SMAD1: variants seen among roughly 807,000 people sequenced by gnomAD.
SMAD1 encodes the protein MAD, mothers against decapentaplegic homolog 1.
In SMAD1, 6 loss-of-function variants were observed where a neutral mutation model predicts 41.6. The observed-to-expected ratio is 0.14, with a 90% confidence interval of 0.08 to 0.28. The LOEUF (loss-of-function observed/expected upper bound fraction) is 0.28. Ranked by LOEUF, SMAD1 falls within the 10% of genes least tolerant of loss-of-function variation. The pLI, the probability that SMAD1 is intolerant of heterozygous loss-of-function variation, is 1.00. For missense variants in SMAD1, 379 were observed against 582.6 expected (o/e 0.65, Z 3.60); for synonymous variants, 206 against 203.2 (o/e 1.01, Z -0.12).
intron 1 of SMAD1, among the ~76,000 whole-genome samples, chr4:145,490,764 A>T (rs568992068): frequency 6.6e-6 from 1 of 152,350 alleles, no homozygotes; most frequent in African/African-American, 2.4e-5. Context: ...ACAATTCTAG[A>T]TAAAGGTTTC....
intron 2 of SMAD1, among the ~76,000 whole-genome samples, chr4:145,520,043 G>A (rs1298261475): frequency 6.6e-6 from 1 of 152,156 alleles, no homozygotes; most frequent in Non-Finnish European, 1.5e-5. Context: ...TGCAAAAACT[G>A]CAGTAAGATA....
chr4:145,532,717 C>A (rs1011184766), intron 2 of SMAD1, among the ~76,000 whole-genome samples: 1 of 152,094 alleles, frequency 6.6e-6, no homozygotes, highest in Non-Finnish European at 1.5e-5. Context: ...AAAGTGGTTC[C>A]CCAGAAAAGT....
rs34142651 is a variant in SMAD1, at chr4:145,558,079, CAAAA to C, written c.*157_*160del. On this transcript the variant is annotated 3_prime_UTR_variant, in exon 7 of 7. Coordinates refer to ENST00000302085, the MANE Select transcript of SMAD1 (RefSeq NM_005900.3). Reference sequence around the variant, plus strand: ...CAACTGTTGGATTCAGAAATTTAAACAAAAAAAAAAAAAAACACACACACCTTGG... The same window carrying C: ...CAACTGTTGGATTCAGAAATTTAAACAAAAAAAAAAACACACACACCTTGG... The C allele has an allele frequency of 1.4e-5, 4 of 288,674 alleles. No individual in the cohort carries two copies. The highest frequency in any genetic ancestry group is 5.7e-5 in the Admixed American group (1 of 17,664). 17.9% of individuals were successfully genotyped at this position (288,674 alleles called of 1,614,324 possible).
At chr4:145,505,339 T>A (rs947267923) in intron 1 of SMAD1, among the ~76,000 whole-genome samples, 2 of 152,206 alleles carry the variant, frequency 1.3e-5, no homozygotes, top group Non-Finnish European at 2.9e-5. Flanking sequence ...TAATACTAAT[T>A]AATATTGCCA....
chr4:145,542,691 C>T lies in SMAD1; in HGVS notation c.768C>T (p.Asn256=). The change falls in exon 4 of 7, where the codon AAC becomes AAT. Residue 256 remains asparagine, a synonymous_variant. Coordinates refer to ENST00000302085, the MANE Select transcript of SMAD1 (RefSeq NM_005900.3). ...MMAPPLPSEI[N]RGDVQAVAYE... ...CGCCTCCCCTGCCCTCAGAAATCAA[C>T]AGAGGAGGTAAAACTAATTGCTGCC... 1 of 1,606,672 alleles carries T rather than the reference C, an allele frequency of 6.2e-7. No individual in the cohort carries two copies.
At chr4:145,517,666 T>G (rs1233490735) in intron 2 of SMAD1, among the ~76,000 whole-genome samples, 1 of 70,080 alleles carries the variant, frequency 1.4e-5, no homozygotes, top group Non-Finnish European at 5.4e-5. Flanking sequence ...TGGCCATTTT[T>G]TTAGTGCTGA....
chr4:145,513,005 A>G (rs899927862), intron 1 of SMAD1, among the ~76,000 whole-genome samples: 1 of 152,112 alleles, frequency 6.6e-6, no homozygotes, highest in South Asian at 2.1e-4. Context: ...AGCCTAGACT[A>G]TTTACCAGGG....
At chr4:145,506,221 G>A (rs1313922271) in intron 1 of SMAD1, among the ~76,000 whole-genome samples, 2 of 152,118 alleles carry the variant, frequency 1.3e-5, no homozygotes, top group Non-Finnish European at 2.9e-5. Context: ...TCAAAGTGAA[G>A]TTAATCAATA....
intron 1 of SMAD1, among the ~76,000 whole-genome samples, chr4:145,493,523 C>G (rs1019987150): frequency 2.0e-5 from 3 of 152,170 alleles, no homozygotes; most frequent in African/African-American, 7.2e-5. Context: ...TTTCTGTTAA[C>G]TGTGAACAAA....
intron 5 of SMAD1, among the ~76,000 whole-genome samples, chr4:145,553,091 T>C (rs1345940159): frequency 6.6e-6 from 1 of 151,132 alleles, no homozygotes; most frequent in Admixed American, 6.6e-5. Flanking sequence ...TTTTTTTTTT[T>C]TTTGTGGAGA....
intron 2 of SMAD1, among the ~76,000 whole-genome samples, chr4:145,532,264 G>A (rs1020723907): frequency 6.6e-6 from 1 of 152,210 alleles, no homozygotes. Context: ...AGTTTGAAAA[G>A]CAGAGTTAAC....
intron 1 of SMAD1, among the ~76,000 whole-genome samples, chr4:145,485,153 C>T (rs1015758687): frequency 1.3e-5 from 2 of 152,128 alleles, no homozygotes; most frequent in Non-Finnish European, 2.9e-5. Context: ...ACTGCAGCCT[C>T]GACCTCCCAG....
chr4:145,488,472 C>CTT (rs1385206948), intron 1 of SMAD1, among the ~76,000 whole-genome samples: 3 of 118,706 alleles, frequency 2.5e-5, no homozygotes, highest in East Asian at 2.0e-4. Flanking sequence ...CTCTCCCTGT[C>CTT]TTTTTGTGTG....
At chr4:145,526,674 A>G (rs1214752020) in intron 2 of SMAD1, among the ~76,000 whole-genome samples, 1 of 151,766 alleles carries the variant, frequency 6.6e-6, no homozygotes, top group Admixed American at 6.6e-5. Flanking sequence ...CATGCTGAAG[A>G]TGAATGGGGG....
chr4:145,525,252 C>A (rs1260405944), intron 2 of SMAD1, among the ~76,000 whole-genome samples: 1 of 152,186 alleles, frequency 6.6e-6, no homozygotes, highest in Admixed American at 6.5e-5. Context: ...TTGCCATTTT[C>A]CCCTTAAAAT....
intron 1 of SMAD1, among the ~76,000 whole-genome samples, chr4:145,493,231 A>T (rs1578738825): frequency 6.6e-6 from 1 of 152,174 alleles, no homozygotes; most frequent in East Asian, 1.9e-4. Context: ...AGGGAAGAGA[A>T]ATGCCAGGAA....
At chr4:145,483,119 G>T (rs1280442881) in intron 1 of SMAD1, 1 of 152,154 alleles carries the variant, frequency 6.6e-6, no homozygotes, top group Non-Finnish European at 1.5e-5. Flanking sequence ...GTAAAGGCGC[G>T]TTCCTTCTGA....
intron 1 of SMAD1, among the ~76,000 whole-genome samples, chr4:145,505,479 C>T (rs1329028750): frequency 2.0e-5 from 3 of 151,888 alleles, no homozygotes; most frequent in South Asian, 2.1e-4. Flanking sequence ...ATTAGCTGGG[C>T]GTGGTGGTGG....
chr4:145,518,497 A>T lies in SMAD1; in HGVS notation c.400+3484A>T, dbSNP rs932933163. Reference sequence around the variant, plus strand: ...AGAGTGAAACTCCATCTCAAAAAAAAAAAATAAAAATGTGCAAGGTGACTT... The same window carrying T: ...AGAGTGAAACTCCATCTCAAAAAAATAAAATAAAAATGTGCAAGGTGACTT... On this transcript the variant is annotated intron_variant, in intron 2 of 6. Transcript: ENST00000302085. 3.6e-5 allele frequency among the ~76,000 whole-genome samples: 4 copies of T among 111,902 alleles called. 1 individual carries two copies. Among genetic ancestry groups the T allele is most frequent in the African/African-American group, 1.3e-4 (4 of 31,058 alleles). 73.4% of individuals were successfully genotyped at this position (111,902 alleles called of 152,430 possible).
Sources: gnomAD v4.1 joint callset for allele counts (sites outside exome capture counted in the v4.1 genomes callset) on GRCh38, gnomAD v4.1.1 for gene constraint, MANE v1.5 for transcripts, NCBI Gene and HGNC (gene_info 2026-07-23, HGNC 2026-07-21) for gene names.